The following IQGAP2 variants were observed in gnomAD, a reference collection of about 807,000 sequenced individuals.
IQGAP2 encodes the protein IQ motif containing GTPase activating protein 2, also known as ras GTPase-activating-like protein IQGAP2.
IQGAP2 carries 173 observed loss-of-function variants against 201.3 expected under a neutral mutation model. The observed-to-expected ratio is 0.86, with a 90% CI of 0.76 to 0.98. The LOEUF is 0.98. Ranked by LOEUF, IQGAP2 falls within the 50% of genes least tolerant of loss-of-function variation. The pLI is 0.00. For missense variants in IQGAP2, 1,687 were observed against 1,864.8 expected (o/e 0.90, Z 1.76); for synonymous variants, 675 against 673.9 (o/e 1.00, Z -0.03).
intron 2 of IQGAP2, among the ~76,000 whole-genome samples, chr5:76,537,226 T>C (rs1021986726): frequency 6.6e-6 from 1 of 152,234 alleles, no homozygotes; most frequent in Admixed American, 6.5e-5. Flanking sequence ...ATAATTTTGG[T>C]TAAGATAAGT....
chr5:76,596,342 G>C (rs1215637938), intron 9 of IQGAP2, among the ~76,000 whole-genome samples: 1 of 152,158 alleles, frequency 6.6e-6, no homozygotes, highest in Admixed American at 6.5e-5. Context: ...TGTCTGATTT[G>C]CTCTTTCCTG....
At chr5:76,677,096 C>A in intron 27 of IQGAP2, 122 bp from the exon 28 acceptor site, 1 of 912,296 alleles carries the variant, frequency 1.1e-6, no homozygotes, top group Non-Finnish European at 1.6e-6. Context: ...TGTAACACGT[C>A]CTCTCAAGGT....
chr5:76,496,720 CTTTCTTTTCTTTCTTTCTTTCTTT>C (rs1756928445), intron 2 of IQGAP2, among the ~76,000 whole-genome samples: 1 of 17,830 alleles, frequency 5.6e-5, no homozygotes, highest in African/African-American at 2.6e-4. Context: ...TTCTTTCTTT[CTTTCTTTTCTTTCTTTCTTTCTTT>C]CTTTCTTTCT....
At chr5:76,675,952 G>A (rs1744770326) in intron 27 of IQGAP2, among the ~76,000 whole-genome samples, 1 of 152,008 alleles carries the variant, frequency 6.6e-6, no homozygotes, top group South Asian at 2.1e-4. Flanking sequence ...ATAGTGGTAA[G>A]CACCTGTAGT....
chr5:76,549,516 T>C (rs984543045), intron 2 of IQGAP2, among the ~76,000 whole-genome samples: 3 of 152,064 alleles, frequency 2.0e-5, no homozygotes, highest in African/African-American at 4.8e-5. Flanking sequence ...TAGAGGATGA[T>C]GGGAGTTGAT....
chr5:76,458,426 T>A (rs13153156), intron 1 of IQGAP2, among the ~76,000 whole-genome samples: 33,688 of 152,156 alleles, frequency 0.22, 4,008 homozygotes, highest in African/African-American at 0.3. Flanking sequence ...AAATATTGAG[T>A]AATGCAGAAA....
chr5:76,485,786 A>G (rs907277709), intron 2 of IQGAP2, among the ~76,000 whole-genome samples: 2 of 152,166 alleles, frequency 1.3e-5, no homozygotes, highest in African/African-American at 2.4e-5. Flanking sequence ...GAGAGCAGGT[A>G]TGCACTGCTG....
At position 76,674,701 on chromosome 5, in the gene IQGAP2, G is replaced by A; in HGVS notation, c.3519G>A (p.Gln1173=). 1 of 1,610,574 alleles carries A rather than the reference G, an allele frequency of 6.2e-7. No homozygotes were observed. Among genetic ancestry groups the A allele is most frequent in the Non-Finnish European group, 8.5e-7 (1 of 1,176,820 alleles). ...ACAATTATTTATCAGAGACGTATCA[G>A]GAATTCAGGTGAGAGGGGCCCTTAG... The part of the protein sequence containing the change: ...SMNNYLSETY[Q]EFRKYFKEAC... The change falls in exon 27 of 36, where the codon CAG becomes CAA. Residue 1173 remains glutamine (Q), a synonymous_variant. Transcript: ENST00000274364.
chr5:76,432,340 G>C (rs1032434033), intron 1 of IQGAP2, among the ~76,000 whole-genome samples: 1 of 152,076 alleles, frequency 6.6e-6, no homozygotes, highest in African/African-American at 2.4e-5. Flanking sequence ...GGCCAGGCTG[G>C]TCTCGAACTC....
intron 2 of IQGAP2, among the ~76,000 whole-genome samples, chr5:76,466,362 A>G (rs762610723): frequency 3.3e-5 from 5 of 152,168 alleles, no homozygotes; most frequent in South Asian, 2.1e-4. Flanking sequence ...TAAAGTTTAT[A>G]TGGAGATGCA....
chr5:76,432,629 C>T (rs1752440157), intron 1 of IQGAP2, among the ~76,000 whole-genome samples: 1 of 152,238 alleles, frequency 6.6e-6, no homozygotes, highest in Non-Finnish European at 1.5e-5. Flanking sequence ...AAATTAGTGT[C>T]AGACAAGAAG....
intron 17 of IQGAP2, among the ~76,000 whole-genome samples, chr5:76,644,853 A>G (rs1447901754): frequency 1.3e-5 from 2 of 152,164 alleles, no homozygotes; most frequent in African/African-American, 2.4e-5. Flanking sequence ...GAACAAAAAA[A>G]TTCTTTTATT....
intron 35 of IQGAP2, among the ~76,000 whole-genome samples, chr5:76,705,046 ATAT>A (rs1747753292): frequency 6.6e-6 from 1 of 152,174 alleles, no homozygotes; most frequent in Non-Finnish European, 1.5e-5. Context: ...TATGTGATAT[ATAT>A]TCTTCTTGTA....
chr5:76,403,444 G>A lies in IQGAP2; in HGVS notation c.-102G>A. The A allele has an allele frequency of 1.1e-6, 1 of 872,738 alleles. No individual in the cohort carries two copies. Among genetic ancestry groups the A allele is most frequent in the Non-Finnish European group, 1.6e-6 (1 of 640,002 alleles). The allele number at this position is 872,738 out of a possible 1,614,324, so 54.1% of individuals were successfully genotyped here. ...GGGCGGCTAGGGGAAATCGGCGAGAGGCGGGATCCGAGCGCGCCGGCGGGG... is the reference window on the plus strand; with the variant it reads ...GGGCGGCTAGGGGAAATCGGCGAGAAGCGGGATCCGAGCGCGCCGGCGGGG... On this transcript the variant is annotated 5_prime_UTR_variant, in exon 1 of 36. Coordinates refer to ENST00000274364, the MANE Select transcript of IQGAP2 (RefSeq NM_006633.5). This position sits in a 1 kb window ranked among gnomAD's most constrained non-coding sequence, Gnocchi z 4.8.
intron 10 of IQGAP2, among the ~76,000 whole-genome samples, chr5:76,600,392 C>T (rs951135467): frequency 1.3e-5 from 2 of 152,094 alleles, no homozygotes; most frequent in African/African-American, 4.8e-5. Context: ...GAAATTCTCC[C>T]AACCTTCCCT....
rs566519051 is a variant in IQGAP2, at chr5:76,440,318, A to G, written c.47-21252A>G. 2.6e-5 allele frequency among the ~76,000 whole-genome samples: 4 copies of G among 152,274 alleles called. No homozygotes were observed. The South Asian group carries it at 6.2e-4, about 24-fold the overall frequency. ...GGTGAGAGGATTGCTTGAGGCCAAGAGTTCAAGACTTAGCTGGCCAACATA... is the reference window on the plus strand; with the variant it reads ...GGTGAGAGGATTGCTTGAGGCCAAGGGTTCAAGACTTAGCTGGCCAACATA... On this transcript the variant is annotated intron_variant, in intron 1 of 35. Transcript: ENST00000274364.
At chr5:76,423,380 T>C (rs1580159083) in intron 1 of IQGAP2, among the ~76,000 whole-genome samples, 1 of 152,322 alleles carries the variant, frequency 6.6e-6, no homozygotes, top group East Asian at 1.9e-4. Context: ...CCCAGCACTT[T>C]GGCAGGCCTA....
chr5:76,702,707 C>CCTTATTTGCCGAAAACCAGTGCCAGA, intron 35 of IQGAP2, 117 bp downstream of exon 35: 1 of 602,140 alleles, frequency 1.7e-6, no homozygotes, highest in South Asian at 2.1e-5. Flanking sequence ...CCAGTGCCAG[C>CCTTATTTGCCGAAAACCAGTGCCAGA]CTTATTTGCC....
chr5:76,463,244 A>G (rs1016415613), intron 2 of IQGAP2, among the ~76,000 whole-genome samples: 1 of 151,996 alleles, frequency 6.6e-6, no homozygotes, highest in African/African-American at 2.4e-5. Context: ...CTCACTTTAC[A>G]TTTTGTTTTT....
Sources: allele counts gnomAD v4.1 joint callset (sites outside exome capture counted in the v4.1 genomes callset), GRCh38; gene constraint gnomAD v4.1.1; non-coding constraint Gnocchi (gnomAD v3.1); transcripts MANE v1.5; gene names NCBI Gene and HGNC (gene_info 2026-07-23, HGNC 2026-07-21).